The following SLC39A9 variants were observed in gnomAD, a reference collection of about 807,000 sequenced individuals.
The protein encoded by SLC39A9 is solute carrier family 39 member 9.
In SLC39A9, 14 loss-of-function variants were observed where a neutral mutation model predicts 28.4. The observed-to-expected ratio is 0.49, with a 90% CI of 0.33 to 0.77. SLC39A9 has a LOEUF of 0.77. SLC39A9 is among the 30% of genes least tolerant of loss of function. SLC39A9 has a pLI of 0.02. For missense variants in SLC39A9, 283 were observed against 381.1 expected (o/e 0.74, Z 2.14); for synonymous variants, 119 against 149.6 (o/e 0.80, Z 1.49).
chr14:69,438,024 C>CCT (rs1566919438), intron 2 of SLC39A9, among the ~76,000 whole-genome samples: 7 of 140,358 alleles, frequency 5.0e-5, no homozygotes, highest in Admixed American at 7.2e-5. Context: ...TTCCCTTACC[C>CCT]TTTTTTTTTT....
chr14:69,457,720 C>T (rs1362879801), intron 6 of SLC39A9, among the ~76,000 whole-genome samples: 2 of 152,128 alleles, frequency 1.3e-5, no homozygotes, highest in South Asian at 2.1e-4. Flanking sequence ...ACTTAAAGTT[C>T]GTTTTAAAAA....
At position 69,399,277 on chromosome 14, in the gene SLC39A9, G is replaced by A; in HGVS notation, c.-93G>A. 8.9e-7 allele frequency: 1 copy of A among 1,121,204 alleles called. No individual in the cohort carries two copies. Among genetic ancestry groups the A allele is most frequent in the African/African-American group, 1.6e-5 (1 of 64,404 alleles). 69.5% of individuals were successfully genotyped at this position (1,121,204 alleles called of 1,614,324 possible). On this transcript the variant is annotated 5_prime_UTR_variant, in exon 1 of 7. Transcript: ENST00000336643. ...AAAGAACTGGAAAGCCCACTCTCTT[G>A]GAACCACCACACCTGTTTAAAGAAC...
At chr14:69,426,547 A>G (rs1163541829) in intron 2 of SLC39A9, among the ~76,000 whole-genome samples, 1 of 152,190 alleles carries the variant, frequency 6.6e-6, no homozygotes, top group Non-Finnish European at 1.5e-5. Context: ...TCACCTTTCT[A>G]TCAGCCTTCA....
chr14:69,444,514 T>C (rs1455364887), intron 3 of SLC39A9, among the ~76,000 whole-genome samples: 4 of 152,150 alleles, frequency 2.6e-5, no homozygotes, highest in Non-Finnish European at 1.5e-5. Flanking sequence ...ATACACCCGA[T>C]TGGCAAAGCT....
Position 69,399,256 on chromosome 14 carries a change from A to G in SLC39A9, c.-114A>G. 5.8e-6 allele frequency: 5 copies of G among 867,454 alleles called. No homozygotes were observed. The highest frequency in any genetic ancestry group is 9.3e-6 in the Non-Finnish European group (5 of 536,196). 53.7% of individuals were successfully genotyped at this position (867,454 alleles called of 1,614,324 possible). Reference sequence around the variant, plus strand: ...CATCTGCTGGTGGGAAGGCCTAAAGAACTGGAAAGCCCACTCTCTTGGAAC... The same window carrying G: ...CATCTGCTGGTGGGAAGGCCTAAAGGACTGGAAAGCCCACTCTCTTGGAAC... On this transcript the variant is annotated 5_prime_UTR_variant, in exon 1 of 7. Transcript: ENST00000336643.
At position 69,460,379 on chromosome 14, in the gene SLC39A9, A is replaced by G. The variant is rs1886061111; in HGVS notation, c.*1786A>G. On this transcript the variant is annotated 3_prime_UTR_variant, in exon 7 of 7. Transcript: ENST00000336643. ...TAGTCATTGGCAACAATTGCATACA[A>G]TTTTACTACCAAGAGAAGGTATAGT... 1 of 985,460 alleles carries G rather than the reference A, an allele frequency of 1.0e-6. No homozygotes were observed. Among genetic ancestry groups the G allele is most frequent in the Non-Finnish European group, 1.2e-6 (1 of 829,940 alleles). 61.0% of individuals were successfully genotyped at this position (985,460 alleles called of 1,614,324 possible). A position where few individuals can be genotyped will look rare whatever the true frequency, so the allele number is the denominator to read the frequency against.
At chr14:69,442,421 G>A (rs1272408766) in intron 3 of SLC39A9, among the ~76,000 whole-genome samples, 155 bp downstream of exon 3, 2 of 152,220 alleles carry the variant, frequency 1.3e-5, no homozygotes, top group African/African-American at 2.4e-5. Flanking sequence ...AGTGGGGAGA[G>A]CTAGTGAGTT....
chr14:69,453,194 T>C (rs1885698349), intron 3 of SLC39A9, 47 bp from the exon 4 acceptor site: 7 of 1,531,572 alleles, frequency 4.6e-6, no homozygotes, highest in Non-Finnish European at 6.3e-6. Context: ...GTTTGAACAG[T>C]TTCTGTCTCA....
At chr14:69,409,114 A>C (rs1194571167) in intron 1 of SLC39A9, among the ~76,000 whole-genome samples, 1 of 152,136 alleles carries the variant, frequency 6.6e-6, no homozygotes, top group Non-Finnish European at 1.5e-5. Flanking sequence ...GACGCTGTGG[A>C]AAATTTGGAA....
chr14:69,402,315 A>G (rs1882682712), intron 1 of SLC39A9, among the ~76,000 whole-genome samples: 1 of 152,168 alleles, frequency 6.6e-6, no homozygotes, highest in Admixed American at 6.5e-5. Context: ...CCTGGGTTGC[A>G]TGCGGCCCAC....
At chr14:69,443,378 A>G (rs1366007022) in intron 3 of SLC39A9, among the ~76,000 whole-genome samples, 2 of 152,258 alleles carry the variant, frequency 1.3e-5, no homozygotes, top group East Asian at 1.9e-4. Context: ...GCTCCATCAC[A>G]TGAGCATCTG....
At chr14:69,432,092 A>G (rs1884529742) in intron 2 of SLC39A9, among the ~76,000 whole-genome samples, 1 of 152,152 alleles carries the variant, frequency 6.6e-6, no homozygotes, top group South Asian at 2.1e-4. Context: ...ACGGGATTGC[A>G]GGGTTGAATG....
chr14:69,433,283 C>A (rs1044873392), intron 2 of SLC39A9, among the ~76,000 whole-genome samples: 4 of 152,204 alleles, frequency 2.6e-5, no homozygotes, highest in South Asian at 2.1e-4. Context: ...CTTGCATATA[C>A]CCACCTCCTA....
chr14:69,438,834 A>C (rs1884905360), intron 2 of SLC39A9, among the ~76,000 whole-genome samples: 1 of 152,246 alleles, frequency 6.6e-6, no homozygotes, highest in Non-Finnish European at 1.5e-5. Flanking sequence ...TCAGTTCTGT[A>C]AGAATGCCAT....
At chr14:69,398,471 T>G, upstream of SLC39A9, 1 of 602,210 alleles carries the variant, frequency 1.7e-6, no homozygotes, top group South Asian at 2.0e-5. Flanking sequence ...GTTTCCAAGC[T>G]TTAGGAAGAA....
intron 1 of SLC39A9, among the ~76,000 whole-genome samples, chr14:69,417,906 A>G (rs1197917996): frequency 2.0e-5 from 3 of 152,318 alleles, no homozygotes; most frequent in South Asian, 2.1e-4. Flanking sequence ...CAGTCATGTC[A>G]TCTGCAAAGA....
At chr14:69,452,999 C>T (rs1216736380) in intron 3 of SLC39A9, among the ~76,000 whole-genome samples, 1 of 152,120 alleles carries the variant, frequency 6.6e-6, no homozygotes, top group Non-Finnish European at 1.5e-5. Flanking sequence ...CTCTTAGCCA[C>T]CTCTTCAGGA....
At position 69,458,643 on chromosome 14, in the gene SLC39A9, C is replaced by T. The variant is rs1317890740; in HGVS notation, c.*50C>T. The T allele has an allele frequency of 1.3e-6, 2 of 1,520,408 alleles. No individual in the cohort carries two copies. The highest frequency in any genetic ancestry group is 1.8e-6 in the Non-Finnish European group (2 of 1,129,090). 94.2% of individuals were successfully genotyped at this position (1,520,408 alleles called of 1,614,324 possible). On this transcript the variant is annotated 3_prime_UTR_variant, in exon 7 of 7. Coordinates refer to ENST00000336643, the MANE Select transcript of SLC39A9 (RefSeq NM_018375.5). ...AGGGCCGTTTGCCATCCAGTGAGAA[C>T]AGCCGGCACGTGACAGCTACTCACT...
At chr14:69,421,742 T>G (rs1166102044) in intron 1 of SLC39A9, among the ~76,000 whole-genome samples, 1 of 152,178 alleles carries the variant, frequency 6.6e-6, no homozygotes, top group Non-Finnish European at 1.5e-5. Flanking sequence ...GGCTGCCTCC[T>G]TGAAGTTGGA....
Sources: allele counts gnomAD v4.1 joint callset (sites outside exome capture counted in the v4.1 genomes callset), GRCh38; gene constraint gnomAD v4.1.1; transcripts MANE v1.5; gene names NCBI Gene and HGNC (gene_info 2026-07-23, HGNC 2026-07-21).